Variants in MCU observed in about 807,000 individuals in gnomAD.
The protein encoded by MCU is mitochondrial calcium uniporter.
Under a neutral mutation model 45.2 loss-of-function variants are expected in MCU, and 12 were observed. That is an observed-to-expected ratio of 0.27 (90% confidence interval 0.17 to 0.43). The LOEUF (loss-of-function observed/expected upper bound fraction) is 0.43. Among genes scored for constraint, MCU ranks in the 20% least tolerant of loss-of-function variants. The pLI is 1.00. For synonymous variants in MCU, 160 were observed against 165.1 expected, an observed-to-expected ratio of 0.97 and a Z score of 0.24; for missense variants, 324 against 436.7, an observed-to-expected ratio of 0.74 and a Z score of 2.30.
chr10:72,820,175 A>G (rs1261886900), intron 1 of MCU, among the ~76,000 whole-genome samples: 1 of 152,234 alleles, frequency 6.6e-6, no homozygotes, highest in Admixed American at 6.5e-5. Context: ...GAATATATTT[A>G]CATGCCTTGT....
chr10:72,860,825 A>C (rs1845365077), intron 4 of MCU, among the ~76,000 whole-genome samples: 1 of 152,178 alleles, frequency 6.6e-6, no homozygotes, highest in Admixed American at 6.6e-5. Flanking sequence ...TCCCTTCATA[A>C]AGGCCAAAAG....
intron 1 of MCU, among the ~76,000 whole-genome samples, chr10:72,782,875 G>T (rs973280306): frequency 6.6e-6 from 1 of 152,206 alleles, no homozygotes; most frequent in Non-Finnish European, 1.5e-5. Flanking sequence ...GTTACTGTGA[G>T]CCAACATCCT....
chr10:72,733,696 TATATA>T (rs1843211634), intron 1 of MCU, among the ~76,000 whole-genome samples: 1 of 144,766 alleles, frequency 6.9e-6, no homozygotes, highest in Admixed American at 6.9e-5. Context: ...TATATATATA[TATATA>T]TATTTTTTTA....
At chr10:72,805,165 C>CTTTCTTTCTT (rs1468524303) in intron 1 of MCU, among the ~76,000 whole-genome samples, 3 of 55,114 alleles carry the variant, frequency 5.4e-5, no homozygotes, top group Non-Finnish European at 8.2e-5. Context: ...CTTTCTGTCT[C>CTTTCTTTCTT]TCTCTCTCTC....
intron 1 of MCU, among the ~76,000 whole-genome samples, chr10:72,702,489 G>A (rs551454549): frequency 1.2e-4 from 18 of 152,288 alleles, no homozygotes; most frequent in Admixed American, 4.6e-4. Flanking sequence ...ATTTTGTGAG[G>A]CACTGCCCAG....
chr10:72,872,782 C>G (rs1297833871), intron 6 of MCU, among the ~76,000 whole-genome samples: 1 of 152,088 alleles, frequency 6.6e-6, no homozygotes, highest in East Asian at 1.9e-4. Context: ...TATATGCCCA[C>G]TAGTGGGATT....
At chr10:72,807,659 A>T (rs1053335956) in intron 1 of MCU, among the ~76,000 whole-genome samples, 1 of 151,368 alleles carries the variant, frequency 6.6e-6, no homozygotes, top group Non-Finnish European at 1.5e-5. Context: ...CTCTCCTCTC[A>T]CACACACACA....
chr10:72,831,721 G>A (rs867997916), intron 1 of MCU, among the ~76,000 whole-genome samples: 4 of 152,234 alleles, frequency 2.6e-5, no homozygotes, highest in African/African-American at 7.2e-5. Context: ...TTTTGAAGTG[G>A]ATGAGTAGAG....
At chr10:72,709,901 A>G (rs1842868777) in intron 1 of MCU, among the ~76,000 whole-genome samples, 1 of 152,160 alleles carries the variant, frequency 6.6e-6, no homozygotes, top group African/African-American at 2.4e-5. Flanking sequence ...TTGGTGTTCG[A>G]TTCAGAATGA....
At chr10:72,706,444 C>T (rs1446744103) in intron 1 of MCU, among the ~76,000 whole-genome samples, 2 of 152,202 alleles carry the variant, frequency 1.3e-5, no homozygotes, top group African/African-American at 4.8e-5. Context: ...CTTTAGACAA[C>T]ACACATTCTT....
intron 4 of MCU, among the ~76,000 whole-genome samples, chr10:72,866,673 G>A (rs980924562): frequency 6.6e-6 from 1 of 152,192 alleles, no homozygotes; most frequent in African/African-American, 2.4e-5. Context: ...GGGATTACAG[G>A]CCGCGCCTGG....
intron 4 of MCU, among the ~76,000 whole-genome samples, chr10:72,863,094 C>T (rs1012585414): frequency 2.6e-5 from 4 of 152,050 alleles, no homozygotes; most frequent in African/African-American, 7.2e-5. Flanking sequence ...AACTATGCCC[C>T]GTTCTTTTCC....
intron 1 of MCU, among the ~76,000 whole-genome samples, chr10:72,747,040 AC>A (rs1843424325): frequency 6.6e-6 from 1 of 152,234 alleles, no homozygotes; most frequent in Admixed American, 6.5e-5. Flanking sequence ...TAAAAATATA[AC>A]GAAAAAGTTA....
At chr10:72,876,636 C>T (rs1438743802) in intron 6 of MCU, among the ~76,000 whole-genome samples, 4 of 152,130 alleles carry the variant, frequency 2.6e-5, no homozygotes, top group African/African-American at 7.2e-5. Flanking sequence ...TTAACCTTCT[C>T]CTAGAAAATT....
chr10:72,840,419 A>G (rs1395076154), intron 2 of MCU, among the ~76,000 whole-genome samples: 1 of 152,170 alleles, frequency 6.6e-6, no homozygotes, highest in Admixed American at 6.5e-5. Flanking sequence ...TTCTTTATAT[A>G]GTCTAGAGTT....
At chr10:72,733,694 TATATATATA>T (rs1554821007) in intron 1 of MCU, among the ~76,000 whole-genome samples, 1 of 146,244 alleles carries the variant, frequency 6.8e-6, no homozygotes, top group Non-Finnish European at 1.5e-5. Flanking sequence ...TATATATATA[TATATATATA>T]TTTTTTTAAA....
At chr10:72,721,779 G>C (rs559845413) in intron 1 of MCU, among the ~76,000 whole-genome samples, 66 of 152,210 alleles carry the variant, frequency 4.3e-4, no homozygotes, top group African/African-American at 1.5e-3. Flanking sequence ...CCTTGCTGTA[G>C]TGATGCATTA....
intron 4 of MCU, among the ~76,000 whole-genome samples, chr10:72,868,050 TCTA>T: frequency 6.6e-6 from 1 of 152,134 alleles, no homozygotes. Flanking sequence ...TCTAAACCTC[TCTA>T]CTAGTTTTTA....
In MCU at chr10:72,698,945, A is replaced by G. The variant is rs553771294; in HGVS notation, c.150+6644A>G. Among the ~76,000 whole-genome samples the G allele has an allele frequency of 2.0e-5, 3 of 152,258 alleles. No individual in the cohort carries two copies. The South Asian group carries it at 6.2e-4, about 32-fold the overall frequency. On this transcript the variant is annotated intron_variant, in intron 1 of 7. Transcript: ENST00000373053. ...CAGCCTTTTGAATAGCTAGGACTAC[A>G]GGCACAATCCACCACACTGGGCTAA... is the stretch of plus-strand genomic sequence containing the variant.
Sources: allele counts gnomAD v4.1 joint callset (sites outside exome capture counted in the v4.1 genomes callset), GRCh38; gene constraint gnomAD v4.1.1; transcripts MANE v1.5; gene names NCBI Gene and HGNC (gene_info 2026-07-23, HGNC 2026-07-21).